DMD: variants seen among roughly 807,000 people sequenced by gnomAD.
DMD encodes dystrophin.
A neutral mutation model predicts 330.1 loss-of-function variants in DMD; 63 were observed. The observed-to-expected ratio is 0.19, with a 90% confidence interval of 0.16 to 0.24. The LOEUF (loss-of-function observed/expected upper bound fraction) is 0.24. Ranked by LOEUF, DMD falls within the 10% of genes least tolerant of loss-of-function variation. The pLI is 1.00. For synonymous variants in DMD, 1,223 were observed against 959.8 expected (o/e 1.27, Z -5.07); for missense variants, 3,344 against 2,684.1 (o/e 1.25, Z -5.43).
intron 42 of DMD, among the ~76,000 whole-genome samples, chrX:32,289,679 A>C (rs1383880595): frequency 9.0e-6 from 1 of 111,637 alleles, no homozygotes; most frequent in Non-Finnish European, 1.9e-5. Context: ...CACTAATTAT[A>C]ATGCATTAGC....
At position 31,349,695 on chromosome X, in the gene DMD, T is replaced by G. The variant is rs780789658; in HGVS notation, c.9085-1061A>C. Among the ~76,000 whole-genome samples the G allele has an allele frequency of 2.7e-5, 3 of 112,064 alleles. No individual in the cohort carries two copies. The East Asian group carries it at 8.4e-4, about 31-fold the overall frequency. On this transcript the variant is annotated intron_variant, in intron 60 of 78. Coordinates refer to ENST00000357033, the MANE Select transcript of DMD (RefSeq NM_004006.3). ...GAATAATTTTACGGGTGACATGCTA[T>G]ACTTACTTATTTGGCATTTTGCCAA...
chrX:31,121,060 C>T lies in DMD; in HGVS notation c.*859G>A, dbSNP rs895673357. 8.9e-6 allele frequency: 1 copy of T among 111,748 alleles called. No homozygotes were observed. Among genetic ancestry groups the T allele is most frequent in the Non-Finnish European group, 1.9e-5 (1 of 53,074 alleles). The allele number at this position is 111,748 out of a possible 1,213,427, so 9.2% of individuals were successfully genotyped here. A position where few individuals can be genotyped will look rare whatever the true frequency, so the allele number is the denominator to read the frequency against. ...TTAGTGTGGTGTAGTTTCCTCCTGG[C>T]TTCCGGCTCCGGGAAAAATCCATTC... On this transcript the variant is annotated 3_prime_UTR_variant, in exon 79 of 79. Coordinates refer to ENST00000357033, the MANE Select transcript of DMD (RefSeq NM_004006.3).
chrX:31,943,831 A>G (rs1266603551), intron 45 of DMD, among the ~76,000 whole-genome samples: 1 of 107,206 alleles, frequency 9.3e-6, no homozygotes, highest in African/African-American at 3.4e-5. Context: ...TTCCAGTGGA[A>G]TATGAATACA....
chrX:32,336,865 CCT>C (rs1364532796), intron 41 of DMD, among the ~76,000 whole-genome samples: 5 of 111,508 alleles, frequency 4.5e-5, no homozygotes, highest in Non-Finnish European at 7.5e-5. Flanking sequence ...AACCTTTAGG[CCT>C]CTATGTTAGC....
chrX:33,163,098 A>G (rs2048849450), intron 1 of DMD, among the ~76,000 whole-genome samples: 1 of 111,667 alleles, frequency 9.0e-6, no homozygotes, highest in South Asian at 3.7e-4. Flanking sequence ...TTTGTACAAT[A>G]TATACAATTT....
At chrX:32,055,697 C>T (rs1041628698) in intron 44 of DMD, among the ~76,000 whole-genome samples, 8 of 111,441 alleles carry the variant, frequency 7.2e-5, no homozygotes, top group Non-Finnish European at 9.5e-5. Context: ...AAATAGTAGA[C>T]GTGATGTGAG....
At chrX:32,666,367 T>C (rs57559288) in intron 9 of DMD, among the ~76,000 whole-genome samples, 15,751 of 109,609 alleles carry the variant, frequency 0.14, 1,524 homozygotes, top group African/African-American at 0.35. Flanking sequence ...TGCCCTCCAC[T>C]CCCAGACAGG....
chrX:32,736,494 T>G (rs7056029), intron 7 of DMD, among the ~76,000 whole-genome samples: 7,542 of 109,750 alleles, frequency 0.069, 742 homozygotes, highest in African/African-American at 0.24. Flanking sequence ...TTATTCACGA[T>G]AGCAAAGACT....
At chrX:32,380,843 G>C (rs1254987625) in intron 33 of DMD, among the ~76,000 whole-genome samples, 163 bp from the exon 34 acceptor site, 1 of 111,059 alleles carries the variant, frequency 9.0e-6, no homozygotes, top group Non-Finnish European at 1.9e-5. Flanking sequence ...AATATTAAGA[G>C]TGAATAAAAA....
In DMD at chrX:31,627,828, G is replaced by C. The variant is rs2148423329; in HGVS notation, c.8062C>G (p.His2688Asp). 5.0e-6 allele frequency: 6 copies of C among 1,210,241 alleles called. No individual in the cohort carries two copies. The highest frequency in any genetic ancestry group is 5.6e-6 in the Non-Finnish European group (5 of 894,858). The change falls in exon 55 of 79, where the codon CAT becomes GAT. Residue 2688 changes from histidine to aspartate, a missense_variant. Transcript: ENST00000357033. ...AGGGGGAACTGTTGCAGTAATCTAT[G>C]AGTTTCTTCCAAAGCAGCCTCTCGC... ...SEREAALEET[H>D]RLLQQFPLDL...
chrX:32,229,711 TATATATATATATATAA>T (rs1319835851), intron 43 of DMD, among the ~76,000 whole-genome samples: 194 of 82,353 alleles, frequency 2.4e-3, no homozygotes, highest in African/African-American at 7.9e-3. Context: ...TATATATATA[TATATATATATATATAA>T]AATCAAAGAG....
chrX:32,834,701 G>A (rs1183222304), intron 4 of DMD, among the ~76,000 whole-genome samples: 1 of 111,395 alleles, frequency 9.0e-6, no homozygotes, highest in Non-Finnish European at 1.9e-5. Flanking sequence ...GAAGTTACTT[G>A]GTAAAAACTT....
chrX:32,199,623 CT>C (rs374235781), intron 44 of DMD, among the ~76,000 whole-genome samples: 6 of 104,644 alleles, frequency 5.7e-5, no homozygotes, highest in East Asian at 3.0e-4. Context: ...TCTTTCTTTT[CT>C]TTTTTTTTTG....
At chrX:33,021,049 C>CA (rs761948380) in intron 1 of DMD, among the ~76,000 whole-genome samples, 46 of 111,301 alleles carry the variant, frequency 4.1e-4, no homozygotes, top group Middle Eastern at 4.7e-3. Context: ...ATACATCTGA[C>CA]AAATACGTGC....
At chrX:31,452,438 C>A (rs1668683659) in intron 59 of DMD, among the ~76,000 whole-genome samples, 1 of 109,013 alleles carries the variant, frequency 9.2e-6, no homozygotes, top group South Asian at 4.0e-4. Context: ...GAAAAATTAG[C>A]CGGGCATGGT....
chrX:32,870,777 A>T (rs1476187268), intron 2 of DMD, among the ~76,000 whole-genome samples: 2 of 110,227 alleles, frequency 1.8e-5, no homozygotes, highest in Non-Finnish European at 3.8e-5. Context: ...AATTAACTCA[A>T]GATGGATTAA....
At chrX:32,227,521 C>G (rs2097153084) in intron 43 of DMD, among the ~76,000 whole-genome samples, 1 of 106,263 alleles carries the variant, frequency 9.4e-6, no homozygotes, top group East Asian at 3.0e-4. Flanking sequence ...TACACATGCG[C>G]ACAGAGTGTG....
chrX:32,823,369 C>T lies in DMD; in HGVS notation c.283G>A (p.Gly95Arg). 8.3e-7 allele frequency: 1 copy of T among 1,204,766 alleles called. No individual in the cohort carries two copies. The highest frequency in any genetic ancestry group is 1.8e-5 in the South Asian group (1 of 56,776). Reference protein sequence around the residue: ...QNNNVDLVNIGSTDIVDGNHK... With the variant: ...QNNNVDLVNIRSTDIVDGNHK... ...TTTCCATCTACGATGTCAGTACTTC[C>T]AATATTCACTAAATCAACCTGTTAA... The change falls in exon 5 of 79, where the codon GGA (glycine) becomes AGA (arginine). Residue 95 changes from glycine to arginine, a missense_variant. Physicochemically the swap from Gly to Arg is moderately radical, Grantham distance 125 (BLOSUM62 -2). Coordinates refer to ENST00000357033, the MANE Select transcript of DMD (RefSeq NM_004006.3).
At chrX:32,229,681 CATATATATATATATATATATATATAT>C (rs55916475) in intron 43 of DMD, among the ~76,000 whole-genome samples, 36 of 24,342 alleles carry the variant, frequency 1.5e-3, no homozygotes, top group Admixed American at 9.4e-3. Context: ...AGAGTTTCAT[CATATATATATATATATATATATATAT>C]ATATATATAT....
Sources: gnomAD v4.1 joint callset for allele counts (sites outside exome capture counted in the v4.1 genomes callset) on GRCh38, gnomAD v4.1.1 for gene constraint, MANE v1.5 for transcripts, NCBI Gene and HGNC (gene_info 2026-07-23, HGNC 2026-07-21) for gene names.